PTPRD: variants seen among roughly 807,000 people sequenced by gnomAD.
PTPRD encodes receptor-type tyrosine-protein phosphatase delta.
A neutral mutation model predicts 214.5 loss-of-function variants in PTPRD; 34 were observed. The observed-to-expected ratio is 0.16, with a 90% CI of 0.12 to 0.21. The LOEUF is 0.21. Ranked by LOEUF, PTPRD falls within the 10% of genes least tolerant of loss-of-function variation. PTPRD has a pLI of 1.00. For synonymous variants in PTPRD, 1,128 were observed against 845.7 expected, an observed-to-expected ratio of 1.33 and a Z score of -5.79; for missense variants, 2,545 against 2,398.7, an observed-to-expected ratio of 1.06 and a Z score of -1.27.
At chr9:9,423,883 G>A (rs1446946697) in intron 8 of PTPRD, among the ~76,000 whole-genome samples, 1 of 152,060 alleles carries the variant, frequency 6.6e-6, no homozygotes, top group East Asian at 1.9e-4. Context: ...CAAAACTTAC[G>A]AGAAACAATG....
At chr9:10,245,732 G>A (rs1446457859) in intron 3 of PTPRD, among the ~76,000 whole-genome samples, 8 of 152,166 alleles carry the variant, frequency 5.3e-5, no homozygotes, top group Admixed American at 5.2e-4. Context: ...ATGTGTATAT[G>A]TGTGTGTATT....
rs141055442 is a variant in PTPRD at position 8,460,272 on chromosome 9, A to G, written c.3875+139T>C. ...TACATTTTGATCTTACTGTAATGTA[A>G]ACACTTTTCCAAAAATAATTGAAAT... On this transcript the variant is annotated intron_variant, in intron 33 of 45. Coordinates refer to ENST00000381196, the MANE Select transcript of PTPRD (RefSeq NM_002839.4). 9 of 1,046,748 alleles carry G rather than the reference A, an allele frequency of 8.6e-6. No homozygotes were observed. In the African/African-American group the frequency reaches 9.4e-5, roughly 11 times the overall value. 64.8% of individuals were successfully genotyped at this position (1,046,748 alleles called of 1,614,324 possible). A position where few individuals can be genotyped will look rare whatever the true frequency, so the allele number is the denominator to read the frequency against.
intron 3 of PTPRD, among the ~76,000 whole-genome samples, chr9:10,120,534 C>G (rs2154247568): frequency 6.6e-6 from 1 of 152,046 alleles, no homozygotes; most frequent in African/African-American, 2.4e-5. Context: ...ATCATAATAT[C>G]AGTGCACTTT....
intron 8 of PTPRD, among the ~76,000 whole-genome samples, chr9:9,560,718 C>T (rs2082702350): frequency 6.6e-6 from 1 of 152,172 alleles, no homozygotes; most frequent in Non-Finnish European, 1.5e-5. Flanking sequence ...AGAAAGTACA[C>T]TCTGGGGCCG....
intron 33 of PTPRD, among the ~76,000 whole-genome samples, chr9:8,456,666 G>A (rs544271133): frequency 2.6e-5 from 4 of 152,166 alleles, no homozygotes; most frequent in Non-Finnish European, 5.9e-5. Flanking sequence ...CTTGCAGAGA[G>A]CCAGTGTTGG....
chr9:8,573,154 C>G (rs1275878122), intron 14 of PTPRD, among the ~76,000 whole-genome samples: 1 of 151,822 alleles, frequency 6.6e-6, no homozygotes, highest in Non-Finnish European at 1.5e-5. Flanking sequence ...CTTCTAAAGC[C>G]CTAGGTATGA....
intron 7 of PTPRD, among the ~76,000 whole-genome samples, chr9:9,690,613 G>C (rs148145197): frequency 6.6e-6 from 1 of 151,974 alleles, no homozygotes; most frequent in African/African-American, 2.4e-5. Flanking sequence ...TTAAGTCTTA[G>C]ATTTAAGCCT....
At chr9:8,566,079 G>A (rs193071724) in intron 14 of PTPRD, among the ~76,000 whole-genome samples, 3 of 144,650 alleles carry the variant, frequency 2.1e-5, no homozygotes, top group Non-Finnish European at 3.1e-5. Flanking sequence ...CCGCTGAAAA[G>A]ATATATACTG....
chr9:9,815,999 T>A (rs933057161), intron 5 of PTPRD, among the ~76,000 whole-genome samples: 1 of 152,130 alleles, frequency 6.6e-6, no homozygotes, highest in Admixed American at 6.6e-5. Flanking sequence ...AAGTACACAC[T>A]GAAGAAAGGG....
intron 10 of PTPRD, among the ~76,000 whole-genome samples, chr9:9,027,583 G>A (rs2099591441): frequency 6.6e-6 from 1 of 151,796 alleles, no homozygotes; most frequent in Admixed American, 6.6e-5. Flanking sequence ...TCCAGTTATT[G>A]TACTGCATAT....
chr9:9,275,065 ATT>A (rs1491554540), intron 9 of PTPRD, among the ~76,000 whole-genome samples: 4 of 72,578 alleles, frequency 5.5e-5, no homozygotes, highest in Non-Finnish European at 7.7e-5. Flanking sequence ...GTATATATAT[ATT>A]ATATATATAT....
chr9:8,824,286 C>T (rs7037145), intron 11 of PTPRD, among the ~76,000 whole-genome samples: 18,502 of 152,110 alleles, frequency 0.12, 1,379 homozygotes, highest in East Asian at 0.28. Flanking sequence ...TTGACATTTC[C>T]CCTCTCCCTT....
intron 2 of PTPRD, among the ~76,000 whole-genome samples, chr9:10,403,605 G>A (rs972436839): frequency 6.6e-6 from 1 of 151,340 alleles, no homozygotes; most frequent in African/African-American, 2.4e-5. Flanking sequence ...TCCAGCAAGT[G>A]AGCTCCTAGA....
Position 8,337,467 on chromosome 9 carries a change from G to A in PTPRD, c.5379+1455C>T, listed in dbSNP as rs150374108. 2.7e-4 allele frequency among the ~76,000 whole-genome samples: 41 copies of A among 152,012 alleles called. No individual in the cohort carries two copies. The East Asian group carries it at 8.0e-3, about 30-fold the overall frequency. ...GCCTGTTGCGGGTTTGGAGTCTAGG[G>A]GAACGATAGCATTAGGAGAAATACC... On this transcript the variant is annotated intron_variant, in intron 43 of 45. Transcript: ENST00000381196.
intron 3 of PTPRD, among the ~76,000 whole-genome samples, chr9:10,163,476 G>A (rs2099141131): frequency 6.6e-6 from 1 of 151,388 alleles, no homozygotes; most frequent in Non-Finnish European, 1.5e-5. Flanking sequence ...TTTCTAAGCT[G>A]ACTAGAATAA....
intron 11 of PTPRD, among the ~76,000 whole-genome samples, chr9:8,839,396 G>T (rs2097512138): frequency 6.6e-6 from 1 of 152,086 alleles, no homozygotes; most frequent in Admixed American, 6.6e-5. Flanking sequence ...CGCGATCTTG[G>T]CTCACTGCAG....
intron 9 of PTPRD, among the ~76,000 whole-genome samples, chr9:9,315,917 G>C (rs942841320): frequency 1.2e-4 from 15 of 130,292 alleles, no homozygotes; most frequent in African/African-American, 2.3e-4. Flanking sequence ...AGCTTTTCTT[G>C]CGAATTTTCT....
intron 35 of PTPRD, among the ~76,000 whole-genome samples, chr9:8,429,178 G>A (rs1590175640): frequency 6.6e-6 from 1 of 152,162 alleles, no homozygotes; most frequent in Non-Finnish European, 1.5e-5. Flanking sequence ...TAAGGTTTCT[G>A]AACTCTATCA....
At chr9:9,326,182 G>T (rs920422136) in intron 9 of PTPRD, among the ~76,000 whole-genome samples, 7 of 152,006 alleles carry the variant, frequency 4.6e-5, no homozygotes, top group African/African-American at 1.7e-4. Context: ...CTTAATGAAG[G>T]GAAAGACAGG....
Sources: gnomAD v4.1 joint callset for allele counts (sites outside exome capture counted in the v4.1 genomes callset) on GRCh38, gnomAD v4.1.1 for gene constraint, MANE v1.5 for transcripts, NCBI Gene and HGNC (gene_info 2026-07-23, HGNC 2026-07-21) for gene names.